The following SCN1A variants were observed in gnomAD, a reference collection of about 807,000 sequenced individuals.
SCN1A encodes the protein sodium voltage-gated channel alpha subunit 1.
SCN1A carries 13 observed loss-of-function variants against 193.7 expected under a neutral mutation model. The ratio of observed to expected loss-of-function variants is 0.07; its 90% CI spans 0.04 to 0.11. The LOEUF is 0.11. Ranked by LOEUF, SCN1A falls within the 10% of genes least tolerant of loss-of-function variation. SCN1A has a pLI of 1.00. For missense variants in SCN1A, 1,432 were observed against 2,451.1 expected (o/e 0.58, Z 8.78); for synonymous variants, 781 against 843.6 (o/e 0.93, Z 1.29).
At chr2:166,073,030 G>C (rs1684615503) in intron 4 of SCN1A, among the ~76,000 whole-genome samples, 1 of 151,916 alleles carries the variant, frequency 6.6e-6, no homozygotes, top group Admixed American at 6.6e-5. Context: ...AGCAGAGAAG[G>C]GGTTTCACCA....
chr2:166,101,236 A>T (rs1688026492), intron 2 of SCN1A, among the ~76,000 whole-genome samples: 1 of 151,740 alleles, frequency 6.6e-6, no homozygotes, highest in South Asian at 2.1e-4. Flanking sequence ...GGAAATCATC[A>T]TTCTCTGTAA....
At chr2:166,009,605 C>T in intron 23 of SCN1A, 114 bp downstream of exon 23, 1 of 946,200 alleles carries the variant, frequency 1.1e-6, no homozygotes, top group Non-Finnish European at 1.5e-6. Flanking sequence ...AATAAAGTAG[C>T]AATTTTGCAA....
intron 26 of SCN1A, among the ~76,000 whole-genome samples, chr2:165,997,050 TAC>T (rs1690174255): frequency 6.6e-6 from 1 of 151,366 alleles, no homozygotes; most frequent in South Asian, 2.1e-4. Flanking sequence ...TGGGTGTTCA[TAC>T]ACTGATATTG....
intron 2 of SCN1A, among the ~76,000 whole-genome samples, chr2:166,116,453 G>A (rs1051768340): frequency 1.3e-5 from 2 of 152,162 alleles, no homozygotes; most frequent in Admixed American, 1.3e-4. Context: ...ACTAACTTGT[G>A]TAATGTGACA....
rs1254340060 is a variant in SCN1A, at chr2:166,045,099, A to G, written c.1606T>C (p.Phe536Leu). ...GTCAATCGGTTCCCTTCAATGGAGA[A>G]GCGAAAACCTTTCCTCCTGATGCTG... ...EDSIRRKGFRFSIEGNRLTYE... is the reference protein window; with the variant it reads ...EDSIRRKGFRLSIEGNRLTYE... The change falls in exon 13 of 29, where the codon TTC becomes CTC. Residue 536 changes from phenylalanine to leucine, a missense_variant. Physicochemically the swap from Phe to Leu is conservative, Grantham distance 22. Coordinates refer to ENST00000674923, the MANE Select transcript of SCN1A (RefSeq NM_001165963.4). 6.2e-7 allele frequency: 1 copy of G among 1,614,202 alleles called. No individual in the cohort carries two copies.
chr2:166,021,881 G>C (rs1056789776), intron 19 of SCN1A, among the ~76,000 whole-genome samples: 1 of 152,066 alleles, frequency 6.6e-6, no homozygotes, highest in African/African-American at 2.4e-5. Flanking sequence ...TTTAATTCAA[G>C]CAGGGAAGTT....
At chr2:166,093,317 A>G (rs1229063652) in intron 2 of SCN1A, among the ~76,000 whole-genome samples, 1 of 151,292 alleles carries the variant, frequency 6.6e-6, no homozygotes, top group African/African-American at 2.4e-5. Context: ...GTTTTGGCCT[A>G]TGGGATTTTC....
At chr2:166,114,508 TTG>T (rs1337666494) in intron 2 of SCN1A, among the ~76,000 whole-genome samples, 1 of 152,202 alleles carries the variant, frequency 6.6e-6, no homozygotes, top group Non-Finnish European at 1.5e-5. Context: ...TGACTATATC[TTG>T]TGTGTACTGC....
chr2:166,102,029 T>A (rs2106147710), intron 2 of SCN1A, among the ~76,000 whole-genome samples: 1 of 151,914 alleles, frequency 6.6e-6, no homozygotes, highest in Admixed American at 6.5e-5. Context: ...AATCAACAAG[T>A]GAAAAACAAC....
chr2:166,075,365 T>C (rs1684885944), intron 3 of SCN1A: 1 of 152,072 alleles, frequency 6.6e-6, no homozygotes. Context: ...AGGTATATGC[T>C]AGAACATGAG....
chr2:166,072,595 A>C (rs951663491), intron 4 of SCN1A, among the ~76,000 whole-genome samples: 7 of 152,304 alleles, frequency 4.6e-5, no homozygotes, highest in African/African-American at 1.4e-4. Flanking sequence ...TTATAACATG[A>C]CATTGAAATT....
intron 3 of SCN1A, among the ~76,000 whole-genome samples, chr2:166,074,622 T>C (rs1478317476): frequency 2.0e-5 from 3 of 152,140 alleles, no homozygotes; most frequent in African/African-American, 2.4e-5. Context: ...ATCCCAAATG[T>C]ATTGTTTTAA....
upstream of SCN1A, among the ~76,000 whole-genome samples, chr2:166,131,332 C>T (rs2106287098): frequency 6.6e-6 from 1 of 152,152 alleles, no homozygotes; most frequent in African/African-American, 2.4e-5. Flanking sequence ...GAGTTCCTAA[C>T]AAGGAAAAGA....
intron 2 of SCN1A, among the ~76,000 whole-genome samples, chr2:166,102,018 A>G (rs1559334907): frequency 6.6e-6 from 1 of 152,252 alleles, no homozygotes; most frequent in African/African-American, 2.4e-5. Context: ...GAACTTACAT[A>G]AATCAACAAG....
intron 4 of SCN1A, among the ~76,000 whole-genome samples, chr2:166,068,261 T>G (rs1357122077): frequency 6.6e-6 from 1 of 152,210 alleles, no homozygotes; most frequent in Admixed American, 6.5e-5. Context: ...TTGAAGGATC[T>G]CCTATAGATA....
intron 1 of SCN1A, among the ~76,000 whole-genome samples, chr2:166,139,085 C>T (rs1691979005): frequency 1.3e-5 from 2 of 152,336 alleles, no homozygotes; most frequent in South Asian, 4.1e-4. Flanking sequence ...CCTGTACTCC[C>T]ATTGTATCTA....
chr2:166,021,029 A>C (rs1351196087), intron 19 of SCN1A, among the ~76,000 whole-genome samples: 1 of 152,224 alleles, frequency 6.6e-6, no homozygotes, highest in African/African-American at 2.4e-5. Context: ...CAGGAACAAT[A>C]TATGATTAAA....
chr2:166,076,728 A>C (rs1685022301), intron 3 of SCN1A, among the ~76,000 whole-genome samples: 1 of 151,946 alleles, frequency 6.6e-6, no homozygotes, highest in Non-Finnish European at 1.5e-5. Flanking sequence ...GTGTGGAAGA[A>C]GGCCCACATA....
chr2:165,988,258 C>T lies in SCN1A; in HGVS notation c.*2987G>A, dbSNP rs1304937619. The T allele has an allele frequency of 6.6e-6, 1 of 152,002 alleles. No homozygotes were observed. The highest frequency in any genetic ancestry group is 2.4e-5 in the African/African-American group (1 of 41,386). The allele number at this position is 152,002 out of a possible 1,614,324, so 9.4% of individuals were successfully genotyped here. A position where few individuals can be genotyped will look rare whatever the true frequency, so the allele number is the denominator to read the frequency against. On this transcript the variant is annotated 3_prime_UTR_variant, in exon 29 of 29. Coordinates refer to ENST00000674923, the MANE Select transcript of SCN1A (RefSeq NM_001165963.4). ...GCAAAAGTTAGCAAGATTAAGACCC[C>T]AAGCTGAAGCAAGGCACATCTTTGC... is the stretch of plus-strand genomic sequence containing the variant.
Sources: allele counts gnomAD v4.1 joint callset (sites outside exome capture counted in the v4.1 genomes callset), GRCh38; gene constraint gnomAD v4.1.1; transcripts MANE v1.5; gene names NCBI Gene and HGNC (gene_info 2026-07-23, HGNC 2026-07-21).